Variants in FOSL2 observed in about 807,000 individuals in gnomAD.
FOSL2 encodes FOS like 2, AP-1 transcription factor subunit.
Under a neutral mutation model 27.7 loss-of-function variants are expected in FOSL2, and 3 were observed. The observed-to-expected ratio is 0.11, with a 90% CI of 0.05 to 0.28. FOSL2 has a LOEUF of 0.28. Among genes scored for constraint, FOSL2 ranks in the 10% least tolerant of loss-of-function variants. FOSL2 has a pLI of 1.00. For synonymous variants in FOSL2, 179 were observed against 190.1 expected (o/e 0.94, Z 0.48); for missense variants, 333 against 445.1 (o/e 0.75, Z 2.27).
chr2:28,399,407 C>T (rs762983541), intron 1 of FOSL2, among the ~76,000 whole-genome samples: 4 of 152,176 alleles, frequency 2.6e-5, no homozygotes, highest in Non-Finnish European at 5.9e-5. Flanking sequence ...GGCAGTTTTC[C>T]CAAATCAGCA....
rs1663707550 is a variant in FOSL2, at chr2:28,393,016, G to T, written c.-705G>T. ...GGCCCGTCCGGGAGCGGGCTCCGGGGAAGGGGTGCGGGTCTGGGCGCCGGA... is the reference window on the plus strand; with the variant it reads ...GGCCCGTCCGGGAGCGGGCTCCGGGTAAGGGGTGCGGGTCTGGGCGCCGGA... On this transcript the variant is annotated 5_prime_UTR_variant, in exon 1 of 4. Coordinates refer to ENST00000264716, the MANE Select transcript of FOSL2 (RefSeq NM_005253.4). The surrounding 1 kb of genome is among the most constrained non-coding windows in gnomAD (Gnocchi z 4.6). The T allele has an allele frequency of 4.9e-6, 3 of 617,500 alleles. No individual in the cohort carries two copies. Among genetic ancestry groups the T allele is most frequent in the South Asian group, 3.5e-5 (2 of 56,826 alleles). The allele number at this position is 617,500 out of a possible 1,614,324, so 38.3% of individuals were successfully genotyped here.
intron 1 of FOSL2, chr2:28,394,659 G>T (rs1663771343): frequency 6.6e-6 from 1 of 152,380 alleles, no homozygotes; most frequent in African/African-American, 2.4e-5. Flanking sequence ...AAAGCAGCCG[G>T]ACTGGTTTGC....
chr2:28,414,263 GAC>G lies in FOSL2; in HGVS notation c.*1821_*1822del, dbSNP rs572834271. 238 of 159,354 alleles carry G rather than the reference GAC, an allele frequency of 1.5e-3. No homozygotes were observed. The highest frequency in any genetic ancestry group is 5.4e-3 in the African/African-American group (227 of 41,922). The allele number at this position is 159,354 out of a possible 1,614,324, so 9.9% of individuals were successfully genotyped here. ...GAACATGACCTGTTTTCGTGCACTA[GAC>G]ACACAGAGTGGAACAGCCGTATGCT... On this transcript the variant is annotated 3_prime_UTR_variant, in exon 4 of 4. Coordinates refer to ENST00000264716, the MANE Select transcript of FOSL2 (RefSeq NM_005253.4).
rs577249729 is a variant in FOSL2 at position 28,398,063 on chromosome 2, G to T, written c.102+4241G>T. Among the ~76,000 whole-genome samples the T allele has an allele frequency of 2.6e-5, 4 of 152,244 alleles. No individual in the cohort carries two copies. In the South Asian group the frequency reaches 8.3e-4, roughly 32 times the overall value. On this transcript the variant is annotated intron_variant, in intron 1 of 3. Coordinates refer to ENST00000264716, the MANE Select transcript of FOSL2 (RefSeq NM_005253.4). ...AGGCACCTTTGCCGTCAATAACTTG[G>T]ATTTTTTTTCTCATTTGTTAGATAG...
intron 1 of FOSL2, among the ~76,000 whole-genome samples, chr2:28,394,233 C>T (rs1663757533): frequency 6.6e-6 from 1 of 150,856 alleles, no homozygotes; most frequent in South Asian, 2.1e-4. Flanking sequence ...CATCCTGGGA[C>T]CCTATTCCTT....
chr2:28,401,659 T>C (rs891348962), intron 1 of FOSL2, among the ~76,000 whole-genome samples: 6 of 152,216 alleles, frequency 3.9e-5, no homozygotes, highest in African/African-American at 1.4e-4. Flanking sequence ...CGACTCTGCC[T>C]ACTCACAGCC....
chr2:28,397,241 CTTTT>C (rs1375737062), intron 1 of FOSL2: 3 of 151,990 alleles, frequency 2.0e-5, no homozygotes, highest in Non-Finnish European at 2.9e-5. Context: ...AAAAGGAGTG[CTTTT>C]TTCTTTTCCT....
intron 1 of FOSL2, among the ~76,000 whole-genome samples, chr2:28,396,591 T>C (rs977354492): frequency 6.6e-6 from 1 of 152,064 alleles, no homozygotes; most frequent in African/African-American, 2.4e-5. Context: ...TACACAAACA[T>C]AGGTCATTTC....
intron 1 of FOSL2, among the ~76,000 whole-genome samples, chr2:28,403,809 T>A (rs1236551462): frequency 6.6e-6 from 1 of 152,170 alleles, no homozygotes; most frequent in African/African-American, 2.4e-5. Context: ...GGGGACCACG[T>A]CTATCTTGGA....
chr2:28,400,808 G>T (rs1401146888), intron 1 of FOSL2, among the ~76,000 whole-genome samples: 1 of 152,182 alleles, frequency 6.6e-6, no homozygotes, highest in Non-Finnish European at 1.5e-5. Context: ...GGACTAGAGG[G>T]CCTCAGAGGG....
In FOSL2 at chr2:28,408,819, G is replaced by C. The variant is rs1194806367; in HGVS notation, c.415G>C (p.Ala139Pro). The C allele has an allele frequency of 6.2e-7, 1 of 1,612,272 alleles. No homozygotes were observed. The highest frequency in any genetic ancestry group is 8.5e-7 in the Non-Finnish European group (1 of 1,179,308). The change falls in exon 3 of 4, where the codon GCC becomes CCC. Residue 139 changes from alanine (A) to proline (P), a missense_variant. Physicochemically the swap from Ala to Pro is conservative, Grantham distance 27. This residue lies in a region of FOSL2 where 40 missense variants were observed against 104.2 expected (regional missense o/e 0.38). Coordinates refer to ENST00000264716, the MANE Select transcript of FOSL2 (RefSeq NM_005253.4). The surrounding 1 kb of genome is among the most constrained non-coding windows in gnomAD (Gnocchi z 4.1). ...IRRERNKLAA[A>P]KCRNRRRELT... ...GCGGGAGAGGAACAAGCTGGCTGCA[G>C]CCAAGTGCCGGAACCGACGCCGGGA...
At chr2:28,403,919 AT>A (rs1273936579) in intron 1 of FOSL2, among the ~76,000 whole-genome samples, 187 bp from the exon 2 acceptor site, 1 of 152,178 alleles carries the variant, frequency 6.6e-6, no homozygotes, top group Non-Finnish European at 1.5e-5. Context: ...CCCAGGCATA[AT>A]TAAGATTCCC....
chr2:28,411,390 GTT>G (rs1664195359), intron 3 of FOSL2, among the ~76,000 whole-genome samples: 1 of 152,084 alleles, frequency 6.6e-6, no homozygotes, highest in African/African-American at 2.4e-5. Context: ...GTAGAGCTGT[GTT>G]CCGTACCCCC....
rs1664045983 is a variant in FOSL2, at chr2:28,404,889, T to C, written c.354+531T>C. The stretch of plus-strand genomic sequence containing the variant: ...GCCTCCAACTCGGAGCAGGAGCCTA[T>C]TTCAAGGGCCTGGAATGCATGTTCC... On this transcript the variant is annotated intron_variant, in intron 2 of 3. Transcript: ENST00000264716. The surrounding 1 kb of genome is among the most constrained non-coding windows in gnomAD (Gnocchi z 4.7). Among the ~76,000 whole-genome samples the C allele has an allele frequency of 6.6e-6, 1 of 152,184 alleles. No homozygotes were observed. The highest frequency in any genetic ancestry group is 2.4e-5 in the African/African-American group (1 of 41,450).
chr2:28,414,217 T>G lies in FOSL2; in HGVS notation c.*1769T>G. The G allele has an allele frequency of 2.3e-5, 4 of 174,818 alleles. No homozygotes were observed. The highest frequency in any genetic ancestry group is 2.8e-4 in the East Asian group (2 of 7,116). 10.8% of individuals were successfully genotyped at this position (174,818 alleles called of 1,614,324 possible). A position where few individuals can be genotyped will look rare whatever the true frequency, so the allele number is the denominator to read the frequency against. ...AAGCAGTGACACATTCACACAGCTG[T>G]TCCCTCGCATGTTATTTCATGAACA... On this transcript the variant is annotated 3_prime_UTR_variant, in exon 4 of 4. Coordinates refer to ENST00000264716, the MANE Select transcript of FOSL2 (RefSeq NM_005253.4).
At chr2:28,399,592 A>G (rs1398126599) in intron 1 of FOSL2, among the ~76,000 whole-genome samples, 1 of 152,148 alleles carries the variant, frequency 6.6e-6, no homozygotes, top group Non-Finnish European at 1.5e-5. Context: ...ATGCCCAAAG[A>G]CCACAAGGCT....
chr2:28,399,930 A>G lies in FOSL2; in HGVS notation c.103-4177A>G, dbSNP rs539614950. Among the ~76,000 whole-genome samples, 324 of 152,300 alleles carry G rather than the reference A, an allele frequency of 2.1e-3. 2 individuals carry two copies. The highest frequency in any genetic ancestry group is 7.4e-3 in the African/African-American group (309 of 41,556). On this transcript the variant is annotated intron_variant, in intron 1 of 3. Transcript: ENST00000264716. ...GACCGTATAGCCCACCAAGCCTAAA[A>G]TATTTGCTGTCTGACCCTTCACAGC...
chr2:28,410,711 A>G (rs1293260253), intron 3 of FOSL2: 1 of 184,996 alleles, frequency 5.4e-6, no homozygotes, highest in Non-Finnish European at 1.0e-5. Flanking sequence ...CTGGGGATGA[A>G]AGAAGGGGGC....
intron 1 of FOSL2, among the ~76,000 whole-genome samples, chr2:28,396,072 C>T (rs774974848): frequency 6.6e-6 from 1 of 152,186 alleles, no homozygotes; most frequent in Non-Finnish European, 1.5e-5. Context: ...AGTGGATGGG[C>T]CTTTCTCTTT....
Sources: gnomAD v4.1 joint callset for allele counts (sites outside exome capture counted in the v4.1 genomes callset) on GRCh38, gnomAD v4.1.1 for gene constraint, gnomAD v4.1.1 regional missense constraint, Gnocchi (gnomAD v3.1) non-coding constraint, MANE v1.5 for transcripts, NCBI Gene and HGNC (gene_info 2026-07-23, HGNC 2026-07-21) for gene names.